Variants in LRRC4C observed in about 807,000 individuals in gnomAD.
LRRC4C encodes the protein leucine-rich repeat-containing protein 4C.
In LRRC4C, 5 loss-of-function variants were observed where a neutral mutation model predicts 33.6. The observed-to-expected ratio is 0.15, with a 90% CI of 0.08 to 0.31. The LOEUF (loss-of-function observed/expected upper bound fraction) is 0.31, where lower values mean the gene tolerates loss of function less well. LRRC4C is among the 10% of genes least tolerant of loss of function. The pLI, the probability that LRRC4C is intolerant of heterozygous loss-of-function variation, is 1.00. For synonymous variants in LRRC4C, 329 were observed against 302.0 expected (o/e 1.09, Z -0.93); for missense variants, 560 against 796.7 (o/e 0.70, Z 3.58).
chr11:40,562,143 TCAAA>T (rs1254745767), intron 3 of LRRC4C, among the ~76,000 whole-genome samples: 2 of 152,216 alleles, frequency 1.3e-5, no homozygotes, highest in Non-Finnish European at 2.9e-5. Context: ...TTAAAATGTG[TCAAA>T]CAAACCTTAA....
chr11:40,822,860 T>C (rs1432802630), intron 2 of LRRC4C, among the ~76,000 whole-genome samples: 2 of 151,776 alleles, frequency 1.3e-5, no homozygotes, highest in South Asian at 4.1e-4. Flanking sequence ...TAGTGAGAGA[T>C]AGGGGTTTAG....
rs1424963506 is a variant in LRRC4C, at chr11:40,960,514, TG to T, written c.-495-26792del. ...GGAAAGCCCATGGGTTATTATTTTA[TG>T]GGACTGAGAACATAGTGTGACCTCT... On this transcript the variant is annotated intron_variant, in intron 1 of 6. Transcript: ENST00000528697. Among the ~76,000 whole-genome samples, 5 of 151,852 alleles carry T rather than the reference TG, an allele frequency of 3.3e-5. No homozygotes were observed. The South Asian group carries it at 8.3e-4, about 25-fold the overall frequency.
At chr11:41,411,817 G>A (rs1367594230) in intron 1 of LRRC4C, among the ~76,000 whole-genome samples, 1 of 152,098 alleles carries the variant, frequency 6.6e-6, no homozygotes, top group Non-Finnish European at 1.5e-5. Flanking sequence ...AAATTTGTGG[G>A]TCTAAATTGC....
At chr11:41,332,875 AG>A in intron 1 of LRRC4C, among the ~76,000 whole-genome samples, 1 of 152,346 alleles carries the variant, frequency 6.6e-6, no homozygotes. Flanking sequence ...ATGAATAAAA[AG>A]TCCATCTCTG....
At chr11:40,205,177 G>A (rs554521182) in intron 5 of LRRC4C, among the ~76,000 whole-genome samples, 20 of 152,322 alleles carry the variant, frequency 1.3e-4, no homozygotes, top group African/African-American at 4.8e-4. Context: ...CTAAGGGAGT[G>A]CCTGAAGATA....
intron 1 of LRRC4C, among the ~76,000 whole-genome samples, chr11:41,288,743 G>A (rs905646322): frequency 6.6e-6 from 1 of 152,112 alleles, no homozygotes; most frequent in Non-Finnish European, 1.5e-5. Context: ...ATTAAAGTGT[G>A]GGCTAGAGCT....
At chr11:40,612,159 G>A (rs1961290528) in intron 3 of LRRC4C, among the ~76,000 whole-genome samples, 1 of 151,774 alleles carries the variant, frequency 6.6e-6, no homozygotes, top group Non-Finnish European at 1.5e-5. Context: ...TAACACATGA[G>A]TAGATAAAGA....
At chr11:40,701,303 T>C (rs1012616358) in intron 2 of LRRC4C, among the ~76,000 whole-genome samples, 6 of 152,132 alleles carry the variant, frequency 3.9e-5, no homozygotes, top group Non-Finnish European at 7.4e-5. Context: ...AGGGCAGCAT[T>C]AATATGACAC....
At chr11:40,310,006 C>CTAATGTAGAA (rs1374492176) in intron 4 of LRRC4C, among the ~76,000 whole-genome samples, 1 of 152,036 alleles carries the variant, frequency 6.6e-6, no homozygotes, top group Non-Finnish European at 1.5e-5. Context: ...TGGAGGCAAC[C>CTAATGTAGAA]TAATGTAGAA....
Position 40,115,889 on chromosome 11 carries a change from C to A in LRRC4C, c.404G>T (p.Arg135Leu). ...NLNTLELFDNRLTTIPNGAFV... is the reference protein window; with the variant it reads ...NLNTLELFDNLLTTIPNGAFV... ...AGCTCCATTCGGGATGGTAGTAAGACGATTGTCAAAGAGTTCCAGAGTGTT... is the reference window on the plus strand; with the variant it reads ...AGCTCCATTCGGGATGGTAGTAAGAAGATTGTCAAAGAGTTCCAGAGTGTT... Residue 135 changes from arginine to leucine, a missense_variant, in exon 7 of 7, where the codon CGT becomes CTT. Arg to Leu is a moderately radical substitution (Grantham distance 102). Transcript: ENST00000528697. The surrounding 1 kb of genome is among the most constrained non-coding windows in gnomAD (Gnocchi z 6.7). The A allele has an allele frequency of 6.2e-7, 1 of 1,614,058 alleles. No homozygotes were observed. Among genetic ancestry groups the A allele is most frequent in the Non-Finnish European group, 8.5e-7 (1 of 1,180,012 alleles).
At chr11:41,255,737 A>C (rs1297068771) in intron 1 of LRRC4C, among the ~76,000 whole-genome samples, 2 of 152,006 alleles carry the variant, frequency 1.3e-5, no homozygotes, top group African/African-American at 4.8e-5. Context: ...TTATGTAAAA[A>C]AAAATTACCC....
At chr11:40,811,491 A>G (rs1021943675) in intron 2 of LRRC4C, among the ~76,000 whole-genome samples, 2 of 152,142 alleles carry the variant, frequency 1.3e-5, no homozygotes, top group African/African-American at 4.8e-5. Context: ...GAATTAATAT[A>G]TAAATGGCAT....
chr11:40,834,911 G>GACAGACAGACAC (rs748483585), intron 2 of LRRC4C, among the ~76,000 whole-genome samples: 49 of 84,926 alleles, frequency 5.8e-4, no homozygotes, highest in East Asian at 4.2e-3. Flanking sequence ...CAGACAGACA[G>GACAGACAGACAC]ACACACACAC....
At chr11:40,960,000 G>C (rs1031495257) in intron 1 of LRRC4C, among the ~76,000 whole-genome samples, 4 of 151,442 alleles carry the variant, frequency 2.6e-5, no homozygotes, top group East Asian at 1.9e-4. Flanking sequence ...ACAATGGCTG[G>C]AGCAGAACAG....
chr11:40,494,744 CT>C (rs1163476639), intron 3 of LRRC4C, among the ~76,000 whole-genome samples: 1 of 152,112 alleles, frequency 6.6e-6, no homozygotes, highest in Non-Finnish European at 1.5e-5. Context: ...ATTCCTGCTA[CT>C]TTTACAATAG....
chr11:40,161,572 G>A (rs967456710), intron 5 of LRRC4C, among the ~76,000 whole-genome samples: 4 of 152,004 alleles, frequency 2.6e-5, no homozygotes, highest in Non-Finnish European at 2.9e-5. Context: ...TGGGCAACAC[G>A]GTAAGACCCC....
Position 40,683,623 on chromosome 11 carries a change from C to A in LRRC4C, c.-406-35345G>T, listed in dbSNP as rs114765268. Among the ~76,000 whole-genome samples, 277 of 152,204 alleles carry A rather than the reference C, an allele frequency of 1.8e-3. 1 individual carries two copies. Among genetic ancestry groups the A allele is most frequent in the African/African-American group, 6.5e-3 (269 of 41,536 alleles). On this transcript the variant is annotated intron_variant, in intron 2 of 6. Transcript: ENST00000528697. ...TGAATCATATGTACTGAAGCTGTCT[C>A]ATGTAAGTGTGGAGGTAAGGGGATG...
intron 5 of LRRC4C, among the ~76,000 whole-genome samples, chr11:40,227,861 A>G (rs973021090): frequency 1.6e-4 from 25 of 152,156 alleles, no homozygotes; most frequent in African/African-American, 6.0e-4. Flanking sequence ...GGTGCTATGA[A>G]GAGGAAAAAG....
At chr11:40,391,519 T>C (rs1201655654) in intron 3 of LRRC4C, among the ~76,000 whole-genome samples, 1 of 152,166 alleles carries the variant, frequency 6.6e-6, no homozygotes, top group East Asian at 1.9e-4. Context: ...GATGAAGGGA[T>C]TGAGCCAAAG....
Sources: allele counts gnomAD v4.1 joint callset (sites outside exome capture counted in the v4.1 genomes callset), GRCh38; gene constraint gnomAD v4.1.1; non-coding constraint Gnocchi (gnomAD v3.1); transcripts MANE v1.5; gene names NCBI Gene and HGNC (gene_info 2026-07-23, HGNC 2026-07-21).